The following GLP1R variants were observed in gnomAD, a reference collection of about 807,000 sequenced individuals.
GLP1R encodes glucagon like peptide 1 receptor.
GLP1R carries 32 observed loss-of-function variants against 68.4 expected under a neutral mutation model. That is an observed-to-expected ratio of 0.47 (90% CI 0.35 to 0.63). GLP1R has a LOEUF of 0.63. Among genes scored for constraint, GLP1R ranks in the 20% least tolerant of loss-of-function variants. The pLI is 0.00. For missense variants in GLP1R, 502 were observed against 594.9 expected (o/e 0.84, Z 1.62); for synonymous variants, 263 against 244.4 (o/e 1.08, Z -0.71).
In GLP1R at chr6:39,088,603, C is replaced by T. The variant is rs1769207919; in HGVS notation, c.*2530C>T. ...CTGACTTCAGCACTCTGGCCAGCTT[C>T]CTCAAACTTGTTAGTGGCTTGCATT... On this transcript the variant is annotated 3_prime_UTR_variant, in exon 13 of 13. Coordinates refer to ENST00000373256, the MANE Select transcript of GLP1R (RefSeq NM_002062.5). Among the ~76,000 whole-genome samples, 1 of 152,236 alleles carries T rather than the reference C, an allele frequency of 6.6e-6. No individual in the cohort carries two copies.
rs533248025 is a variant in GLP1R at position 39,078,913 on chromosome 6, G to C, written c.885-44G>C. The stretch of plus-strand genomic sequence containing the variant: ...TGCCTGCACCTGAGCTGGGGGTCCT[G>C]TGAGTCCTGCTGGATGCATGTGTGC... On this transcript the variant is annotated intron_variant, in intron 8 of 12. Coordinates refer to ENST00000373256, the MANE Select transcript of GLP1R (RefSeq NM_002062.5). The C allele has an allele frequency of 3.2e-6, 5 of 1,546,666 alleles. No homozygotes were observed. In the South Asian group the frequency reaches 5.6e-5, roughly 17 times the overall value.
chr6:39,063,192 C>A (rs1236692651), intron 3 of GLP1R, among the ~76,000 whole-genome samples: 1 of 152,190 alleles, frequency 6.6e-6, no homozygotes, highest in Non-Finnish European at 1.5e-5. Context: ...CTAGTGCAGG[C>A]TCTGACACCA....
intron 12 of GLP1R, among the ~76,000 whole-genome samples, chr6:39,082,537 G>A (rs1225715123): frequency 6.6e-6 from 1 of 152,196 alleles, no homozygotes; most frequent in Non-Finnish European, 1.5e-5. Context: ...TTGGAGGGTA[G>A]GGCAGGGAAC....
At chr6:39,053,342 G>T (rs1768133226) in intron 1 of GLP1R, among the ~76,000 whole-genome samples, 1 of 152,234 alleles carries the variant, frequency 6.6e-6, no homozygotes, top group South Asian at 2.1e-4. Flanking sequence ...GGGGTCCAAA[G>T]CTTCCTCCCT....
chr6:39,055,351 C>A (rs1021106867), intron 1 of GLP1R, among the ~76,000 whole-genome samples: 4 of 152,198 alleles, frequency 2.6e-5, no homozygotes, highest in African/African-American at 9.7e-5. Flanking sequence ...GTCATTTCAG[C>A]ATCTGCAGCC....
intron 12 of GLP1R, 101 bp downstream of exon 12, chr6:39,080,840 C>A (rs1440819326): frequency 2.9e-6 from 2 of 696,756 alleles, no homozygotes; most frequent in East Asian, 2.9e-5. Flanking sequence ...CCAGCTGAAA[C>A]CCCCTACTCA....
chr6:39,051,122 C>T (rs1768077173), intron 1 of GLP1R, among the ~76,000 whole-genome samples: 1 of 152,150 alleles, frequency 6.6e-6, no homozygotes, highest in Admixed American at 6.5e-5. Flanking sequence ...ACTGAGGAGA[C>T]AGGCAAGCCT....
chr6:39,066,436 C>A (rs1768520919), intron 5 of GLP1R, 133 bp downstream of exon 5: 3 of 590,628 alleles, frequency 5.1e-6, no homozygotes, highest in African/African-American at 3.7e-5. Flanking sequence ...CTCTACAGAG[C>A]CCTGACCGTA....
At chr6:39,067,822 T>A (rs748288108) in intron 5 of GLP1R, among the ~76,000 whole-genome samples, 15 of 152,248 alleles carry the variant, frequency 9.9e-5, no homozygotes, top group Non-Finnish European at 1.9e-4. Context: ...ACTCAAGGGA[T>A]GATTCCTCCT....
intron 5 of GLP1R, among the ~76,000 whole-genome samples, chr6:39,070,869 T>TC (rs1768641472): frequency 6.6e-6 from 1 of 152,228 alleles, no homozygotes; most frequent in East Asian, 1.9e-4. Flanking sequence ...GCTTATTTTT[T>TC]CACTCATTTT....
At chr6:39,068,052 C>T (rs934743830) in intron 5 of GLP1R, among the ~76,000 whole-genome samples, 1 of 151,794 alleles carries the variant, frequency 6.6e-6, no homozygotes, top group Non-Finnish European at 1.5e-5. Context: ...ACCAGCCTGA[C>T]CGATGTAAGA....
chr6:39,069,682 T>A (rs998162170), intron 5 of GLP1R, among the ~76,000 whole-genome samples: 1 of 151,192 alleles, frequency 6.6e-6, no homozygotes, highest in Non-Finnish European at 1.5e-5. Context: ...GCTCTCATCT[T>A]CTTCTGAGCT....
At chr6:39,072,109 T>C (rs1292956890) in intron 5 of GLP1R, among the ~76,000 whole-genome samples, 1 of 152,264 alleles carries the variant, frequency 6.6e-6, no homozygotes, top group Non-Finnish European at 1.5e-5. Context: ...TAAACTGTCT[T>C]ATTAGTTCTA....
At chr6:39,051,947 A>G (rs1310686551) in intron 1 of GLP1R, among the ~76,000 whole-genome samples, 1 of 150,510 alleles carries the variant, frequency 6.6e-6, no homozygotes, top group Admixed American at 6.6e-5. Flanking sequence ...GTGTGTCTAT[A>G]TGTGCAGGAG....
intron 5 of GLP1R, among the ~76,000 whole-genome samples, chr6:39,071,343 C>T (rs1234460709): frequency 2.9e-5 from 1 of 34,736 alleles, no homozygotes; most frequent in Non-Finnish European, 4.8e-5. Flanking sequence ...AAGATTCCAT[C>T]TCAAAAAAAA....
intron 5 of GLP1R, among the ~76,000 whole-genome samples, chr6:39,072,444 C>A (rs1768695271): frequency 1.3e-5 from 2 of 152,206 alleles, no homozygotes; most frequent in African/African-American, 4.8e-5. Flanking sequence ...AAAACTCTAT[C>A]CAATAGTTTC....
chr6:39,048,912 C>G lies in GLP1R; in HGVS notation c.72C>G (p.Arg24=), dbSNP rs1768024035. The G allele has an allele frequency of 7.2e-7, 1 of 1,385,214 alleles. No homozygotes were observed. The highest frequency in any genetic ancestry group is 9.5e-7 in the Non-Finnish European group (1 of 1,057,524). The allele number at this position is 1,385,214 out of a possible 1,614,324, so 85.8% of individuals were successfully genotyped here. Residue 24 remains arginine, a synonymous_variant, in exon 1 of 13, where the codon CGC becomes CGG. Transcript: ENST00000373256. ...GGATGGTGGGCAGGGCCGGCCCCCG[C>G]CCCCAGGTGAGATCCAGGGACCCCG... The part of the protein sequence containing the change: ...LLGMVGRAGP[R]PQGATVSLWE...
At chr6:39,060,255 C>T (rs566860726) in intron 3 of GLP1R, among the ~76,000 whole-genome samples, 13 of 152,272 alleles carry the variant, frequency 8.5e-5, no homozygotes, top group African/African-American at 2.9e-4. Context: ...GCTGATCAAG[C>T]GAGTAGCCTG....
Position 39,086,142 on chromosome 6 carries a change from C to A in GLP1R, c.*69C>A. The stretch of plus-strand genomic sequence containing the variant: ...GTGGCCAATCCAGGTGGGAGAGACA[C>A]TCCCAGGGACAAGGGAAGGAAGGGA... On this transcript the variant is annotated 3_prime_UTR_variant, in exon 13 of 13. Transcript: ENST00000373256. The surrounding 1 kb of genome is among the most constrained non-coding windows in gnomAD (Gnocchi z 4.5). 1.7e-6 allele frequency: 2 copies of A among 1,211,962 alleles called. No homozygotes were observed. Among genetic ancestry groups the A allele is most frequent in the Non-Finnish European group, 1.2e-6 (1 of 833,944 alleles). The allele number at this position is 1,211,962 out of a possible 1,614,324, so 75.1% of individuals were successfully genotyped here.
Sources: gnomAD v4.1 joint callset for allele counts (sites outside exome capture counted in the v4.1 genomes callset) on GRCh38, gnomAD v4.1.1 for gene constraint, Gnocchi (gnomAD v3.1) non-coding constraint, MANE v1.5 for transcripts, NCBI Gene and HGNC (gene_info 2026-07-23, HGNC 2026-07-21) for gene names.